The following TMEM156 variants were observed in gnomAD, a reference collection of about 807,000 sequenced individuals.
The protein encoded by TMEM156 is transmembrane protein 156.
TMEM156 carries 28 observed loss-of-function variants against 30.5 expected under a neutral mutation model. That is an observed-to-expected ratio of 0.92 (90% CI 0.68 to 1.26). The LOEUF (loss-of-function observed/expected upper bound fraction) is 1.26. TMEM156 is among the 50% of genes most tolerant of loss of function. The pLI is 0.00. For missense variants in TMEM156, 351 were observed against 340.6 expected (o/e 1.03, Z -0.24); for synonymous variants, 137 against 119.9 (o/e 1.14, Z -0.93).
intron 5 of TMEM156, among the ~76,000 whole-genome samples, chr4:38,983,552 C>G (rs561383340): frequency 6.6e-6 from 1 of 152,280 alleles, no homozygotes; most frequent in African/African-American, 2.4e-5. Context: ...GCATGTGCCA[C>G]CACATCTGAC....
At chr4:38,995,471 C>A (rs2109964217) in intron 2 of TMEM156, among the ~76,000 whole-genome samples, 1 of 152,194 alleles carries the variant, frequency 6.6e-6, no homozygotes, top group East Asian at 1.9e-4. Flanking sequence ...AATCCCAGCA[C>A]TTTGGGAGGC....
At chr4:38,972,920 T>G (rs1390572559) in intron 5 of TMEM156, among the ~76,000 whole-genome samples, 4 of 152,232 alleles carry the variant, frequency 2.6e-5, no homozygotes, top group African/African-American at 9.6e-5. Flanking sequence ...TGTGTACATT[T>G]TTTTCCACAT....
In TMEM156 at chr4:38,992,769, TTTG is replaced by T. The variant is rs1213581470; in HGVS notation, c.619+966_619+968del. 1.3e-4 allele frequency among the ~76,000 whole-genome samples: 15 copies of T among 119,502 alleles called. No homozygotes were observed. The South Asian group carries it at 1.5e-3, about 12-fold the overall frequency. The allele number at this position is 119,502 out of a possible 152,430, so 78.4% of individuals were successfully genotyped here. On this transcript the variant is annotated intron_variant, in intron 3 of 6. Coordinates refer to ENST00000381938, the MANE Select transcript of TMEM156 (RefSeq NM_024943.3). Reference sequence around the variant, plus strand: ...TATATTATATATATATATATTTTTTTTTGTCTTTTCAAGACAGAGTCTCACTCT... The same window carrying T: ...TATATTATATATATATATATTTTTTTTCTTTTCAAGACAGAGTCTCACTCT...
intron 1 of TMEM156, among the ~76,000 whole-genome samples, chr4:39,018,364 T>A (rs1224783501): frequency 6.6e-6 from 1 of 152,220 alleles, no homozygotes; most frequent in Non-Finnish European, 1.5e-5. Flanking sequence ...GTTTTTAAAT[T>A]TTATGCATCT....
chr4:38,971,019 A>C lies in TMEM156; in HGVS notation c.*38+13T>G. 6.6e-7 allele frequency: 1 copy of C among 1,523,490 alleles called. No homozygotes were observed. The highest frequency in any genetic ancestry group is 9.1e-7 in the Non-Finnish European group (1 of 1,101,674). The allele number at this position is 1,523,490 out of a possible 1,614,324, so 94.4% of individuals were successfully genotyped here. A position where few individuals can be genotyped will look rare whatever the true frequency, so the allele number is the denominator to read the frequency against. On this transcript the variant is annotated intron_variant, in intron 6 of 6. Transcript: ENST00000381938. Reference sequence around the variant, plus strand: ...TATAATGAAGAAGTCGATAAAGCCGAATCATCACTCACCGTGTATATTGAT... The same window carrying C: ...TATAATGAAGAAGTCGATAAAGCCGCATCATCACTCACCGTGTATATTGAT...
At chr4:39,027,570 T>TTTTTTTTTTTG (rs1270149634) in intron 1 of TMEM156, among the ~76,000 whole-genome samples, 1 of 145,370 alleles carries the variant, frequency 6.9e-6, no homozygotes, top group Admixed American at 6.9e-5. Context: ...TTTTTTTTTT[T>TTTTTTTTTTTG]TTTGAGACGG....
intron 5 of TMEM156, among the ~76,000 whole-genome samples, chr4:38,975,384 CTTTT>C (rs10711049): frequency 1.0e-5 from 1 of 97,556 alleles, no homozygotes. Flanking sequence ...TTTTTCTTTT[CTTTT>C]TTTTTTTTTT....
intron 5 of TMEM156, among the ~76,000 whole-genome samples, chr4:38,975,488 T>C (rs1051012600): frequency 3.3e-5 from 5 of 151,844 alleles, no homozygotes; most frequent in Non-Finnish European, 5.9e-5. Flanking sequence ...GTTCAAGTGA[T>C]TCTCATACCT....
intron 3 of TMEM156, among the ~76,000 whole-genome samples, chr4:38,989,209 C>G (rs1175482294): frequency 6.6e-6 from 1 of 152,214 alleles, no homozygotes; most frequent in Non-Finnish European, 1.5e-5. Flanking sequence ...TTCCAAAATT[C>G]TAGGATTCCT....
intron 1 of TMEM156, among the ~76,000 whole-genome samples, chr4:39,027,291 C>T (rs1355058139): frequency 1.3e-5 from 2 of 152,104 alleles, no homozygotes; most frequent in Non-Finnish European, 2.9e-5. Context: ...TGCAATTACC[C>T]TTGATGTGGT....
Position 38,992,713 on chromosome 4 carries a change from T to TTATATATATA in TMEM156, c.619+1024_619+1025insTATATATATA, listed in dbSNP as rs1560366882. On this transcript the variant is annotated intron_variant, in intron 3 of 6. Coordinates refer to ENST00000381938, the MANE Select transcript of TMEM156 (RefSeq NM_024943.3). ...AATATATTATATAATATATATATAT[T>TTATATATATA]ATATATATATAATATATATATAATA... 5.1e-3 allele frequency among the ~76,000 whole-genome samples: 239 copies of TTATATATATA among 46,604 alleles called. 1 individual carries two copies. The highest frequency in any genetic ancestry group is 0.016 in the African/African-American group (229 of 14,512). 30.6% of individuals were successfully genotyped at this position (46,604 alleles called of 152,430 possible).
In TMEM156 at chr4:39,025,815, C is replaced by T. The variant is rs117814135; in HGVS notation, c.88+6411G>A. On this transcript the variant is annotated intron_variant, in intron 1 of 6. Coordinates refer to ENST00000381938, the MANE Select transcript of TMEM156 (RefSeq NM_024943.3). ...AATATTCTGCAAAATAAATTTCACACGCTAGCACAACTTAAAATCTCTAGG... is the reference window on the plus strand; with the variant it reads ...AATATTCTGCAAAATAAATTTCACATGCTAGCACAACTTAAAATCTCTAGG... Among the ~76,000 whole-genome samples, 1,109 of 152,266 alleles carry T rather than the reference C, an allele frequency of 7.3e-3. 41 individuals carry two copies. Among genetic ancestry groups the T allele is most frequent in the Admixed American group, 0.066 (1,007 of 15,280 alleles).
At chr4:38,968,504 G>C (rs894427901) in intron 6 of TMEM156, among the ~76,000 whole-genome samples, 1 of 152,074 alleles carries the variant, frequency 6.6e-6, no homozygotes, top group Non-Finnish European at 1.5e-5. Context: ...CCAATGAGTA[G>C]GATTCTCAAC....
At chr4:39,005,034 G>T (rs1318465821) in intron 1 of TMEM156, among the ~76,000 whole-genome samples, 1 of 152,126 alleles carries the variant, frequency 6.6e-6, no homozygotes, top group Non-Finnish European at 1.5e-5. Context: ...TTCATGTAAT[G>T]GGATACCACT....
At chr4:39,013,305 CT>C (rs1714243838) in intron 1 of TMEM156, among the ~76,000 whole-genome samples, 1 of 97,376 alleles carries the variant, frequency 1.0e-5, no homozygotes, top group African/African-American at 5.5e-5. Context: ...CAGAACCTGT[CT>C]CAAAAAAAAA....
intron 3 of TMEM156, among the ~76,000 whole-genome samples, chr4:38,990,720 T>C (rs753754289): frequency 6.6e-6 from 1 of 152,092 alleles, no homozygotes; most frequent in Non-Finnish European, 1.5e-5. Flanking sequence ...AGAGTAAATT[T>C]GCCAGACTGG....
chr4:38,975,498 T>A (rs1722808229), intron 5 of TMEM156, among the ~76,000 whole-genome samples: 1 of 149,440 alleles, frequency 6.7e-6, no homozygotes, highest in African/African-American at 2.5e-5. Context: ...TTCTCATACC[T>A]CAGACTCCCG....
intron 1 of TMEM156, among the ~76,000 whole-genome samples, chr4:39,019,769 A>C (rs1182797845): frequency 1.3e-5 from 2 of 152,212 alleles, no homozygotes; most frequent in African/African-American, 4.8e-5. Flanking sequence ...AAACCTAATA[A>C]CATATCCATC....
chr4:38,990,937 G>A (rs1428430821), intron 3 of TMEM156, among the ~76,000 whole-genome samples: 6 of 139,316 alleles, frequency 4.3e-5, no homozygotes, highest in Non-Finnish European at 7.6e-5. Flanking sequence ...GGGTTCAAGC[G>A]AGTCTCCTGC....
Sources: gnomAD v4.1 joint callset for allele counts (sites outside exome capture counted in the v4.1 genomes callset) on GRCh38, gnomAD v4.1.1 for gene constraint, MANE v1.5 for transcripts, NCBI Gene and HGNC (gene_info 2026-07-23, HGNC 2026-07-21) for gene names.